Variants in SPTBN1 observed in about 807,000 individuals in gnomAD.
SPTBN1 encodes spectrin beta, non-erythrocytic 1.
A neutral mutation model predicts 266.4 loss-of-function variants in SPTBN1; 32 were observed. The ratio of observed to expected loss-of-function variants is 0.12; its 90% CI spans 0.09 to 0.16. The LOEUF is 0.16. Among genes scored for constraint, SPTBN1 ranks in the 10% least tolerant of loss-of-function variants. The pLI, the probability that SPTBN1 is intolerant of heterozygous loss-of-function variation, is 1.00. For synonymous variants in SPTBN1, 1,336 were observed against 1,162.2 expected (o/e 1.15, Z -3.04); for missense variants, 2,296 against 3,067.1 (o/e 0.75, Z 5.94).
intron 2 of SPTBN1, among the ~76,000 whole-genome samples, chr2:54,582,626 C>T (rs1056447733): frequency 6.6e-6 from 1 of 150,974 alleles, no homozygotes; most frequent in African/African-American, 2.4e-5. Context: ...CACTGAATTA[C>T]GTAAAACTCC....
In SPTBN1 at chr2:54,670,975, C is replaced by G. The variant is rs1056942233; in HGVS notation, c.*2406C>G. The G allele has an allele frequency of 5.1e-6, 2 of 396,032 alleles. No individual in the cohort carries two copies. Among genetic ancestry groups the G allele is most frequent in the Non-Finnish European group, 8.9e-6 (2 of 225,306 alleles). The allele number at this position is 396,032 out of a possible 1,614,324, so 24.5% of individuals were successfully genotyped here. A position where few individuals can be genotyped will look rare whatever the true frequency, so the allele number is the denominator to read the frequency against. ...GGTTTTTTGTTTTTTTTTTATTCTTCCACTATCATGTTTTTTGAGGATTTT... is the reference window on the plus strand; with the variant it reads ...GGTTTTTTGTTTTTTTTTTATTCTTGCACTATCATGTTTTTTGAGGATTTT... On this transcript the variant is annotated 3_prime_UTR_variant, in exon 36 of 36. Transcript: ENST00000356805.
At position 54,481,029 on chromosome 2, in the gene SPTBN1, C is replaced by A. The variant is rs141895860; in HGVS notation, c.-48+24511C>A. 1.7e-3 allele frequency among the ~76,000 whole-genome samples: 256 copies of A among 152,190 alleles called. 4 individuals are homozygous for A. The highest frequency in any genetic ancestry group is 0.014 in the Admixed American group (211 of 15,288). Reference sequence around the variant, plus strand: ...ATTGTCATTAAGAGTGACATTCATCCTGGTGCCATGGTGAGCACCTGTGGT... The same window carrying A: ...ATTGTCATTAAGAGTGACATTCATCATGGTGCCATGGTGAGCACCTGTGGT... On this transcript the variant is annotated intron_variant, in intron 1 of 35. Coordinates refer to ENST00000356805, the MANE Select transcript of SPTBN1 (RefSeq NM_003128.3).
chr2:54,524,959 A>AT (rs1670711948), intron 1 of SPTBN1, among the ~76,000 whole-genome samples: 1 of 149,622 alleles, frequency 6.7e-6, no homozygotes, highest in South Asian at 2.1e-4. Flanking sequence ...ATTTTTTTTT[A>AT]TTTAAACTAT....
intron 2 of SPTBN1, among the ~76,000 whole-genome samples, chr2:54,591,164 A>G (rs1454352621): frequency 6.6e-6 from 1 of 152,124 alleles, no homozygotes; most frequent in Non-Finnish European, 1.5e-5. Flanking sequence ...AGGGTAAGAG[A>G]CTTTATCTTA....
chr2:54,629,341 G>A lies in SPTBN1; in HGVS notation c.2207G>A (p.Arg736Gln), dbSNP rs993769854. 1.9e-6 allele frequency: 3 copies of A among 1,613,906 alleles called. No homozygotes were observed. Among genetic ancestry groups the A allele is most frequent in the East Asian group, 2.2e-5 (1 of 44,904 alleles). The change falls in exon 14 of 36, where the codon CGG becomes CAG. Residue 736 changes from arginine (R) to glutamine (Q), a missense_variant. Arg to Gln is a conservative substitution (Grantham distance 43). Coordinates refer to ENST00000356805, the MANE Select transcript of SPTBN1 (RefSeq NM_003128.3). Reference sequence around the variant, plus strand: ...AACCTAGAGCAGCTCTCGGCCATTCGGAAGAAGCGCCTGGAGGAGGCCTCC... The same window carrying A: ...AACCTAGAGCAGCTCTCGGCCATTCAGAAGAAGCGCCTGGAGGAGGCCTCC... ...WANLEQLSAI[R>Q]KKRLEEASLL... is the part of the protein sequence containing the mutation.
chr2:54,628,006 C>T lies in SPTBN1; in HGVS notation c.1645-91C>T. ...GCAGACTAGAGGGAAGGCATAGCTT[C>T]ATTGCTGGCTCTCTGCTTGTCGAAA... On this transcript the variant is annotated intron_variant, in intron 12 of 35. Coordinates refer to ENST00000356805, the MANE Select transcript of SPTBN1 (RefSeq NM_003128.3). The surrounding 1 kb of genome is among the most constrained non-coding windows in gnomAD (Gnocchi z 4.3). 2.0e-6 allele frequency: 3 copies of T among 1,466,074 alleles called. No homozygotes were observed. The highest frequency in any genetic ancestry group is 2.8e-6 in the Non-Finnish European group (3 of 1,090,026). 90.8% of individuals were successfully genotyped at this position (1,466,074 alleles called of 1,614,324 possible).
Position 54,664,553 on chromosome 2 carries a change from G to A in SPTBN1, c.6521G>A (p.Arg2174His), listed in dbSNP as rs913539017. Reference sequence around the variant, plus strand: ...CCCATCCCCTCCCCGACCTCTGATCGTAAAGCCAAGACTGCCCTCCCAGCC... The same window carrying A: ...CCCATCCCCTCCCCGACCTCTGATCATAAAGCCAAGACTGCCCTCCCAGCC... ...SSPIPSPTSD[R>H]KAKTALPAQS... The change falls in exon 33 of 36, where the codon CGT (arginine) becomes CAT (histidine). Residue 2174 changes from arginine (R) to histidine (H), a missense_variant. Physicochemically the swap from Arg to His is conservative, Grantham distance 29. Coordinates refer to ENST00000356805, the MANE Select transcript of SPTBN1 (RefSeq NM_003128.3). The surrounding 1 kb of genome is among the most constrained non-coding windows in gnomAD (Gnocchi z 5.6). 6.8e-6 allele frequency: 11 copies of A among 1,614,018 alleles called. No individual in the cohort carries two copies. The highest frequency in any genetic ancestry group is 6.7e-5 in the East Asian group (3 of 44,884).
intron 33 of SPTBN1, among the ~76,000 whole-genome samples, chr2:54,665,117 A>G (rs562140187): frequency 6.6e-6 from 1 of 152,166 alleles, no homozygotes; most frequent in South Asian, 2.1e-4. Context: ...TATTTAACAG[A>G]TGGGGAACAG....
Position 54,582,478 on chromosome 2 carries a change from G to A in SPTBN1, c.149-16614G>A, listed in dbSNP as rs188184247. Among the ~76,000 whole-genome samples, 494 of 151,702 alleles carry A rather than the reference G, an allele frequency of 3.3e-3. 1 individual carries two copies. The highest frequency in any genetic ancestry group is 0.011 in the African/African-American group (467 of 41,304). ...ACTCTGGAGGCTGAGGCAGGAGAAT[G>A]GCGTGAATCCAGGAGGCGGAGCTTG... On this transcript the variant is annotated intron_variant, in intron 2 of 35. Transcript: ENST00000356805.
At chr2:54,527,112 G>A (rs1375033502) in intron 2 of SPTBN1, 1 of 152,346 alleles carries the variant, frequency 6.6e-6, no homozygotes, top group Non-Finnish European at 1.5e-5. Flanking sequence ...CTTGTTGCTG[G>A]TGAACACCTA....
At chr2:54,512,153 C>T (rs1206714323) in intron 1 of SPTBN1, among the ~76,000 whole-genome samples, 1 of 152,186 alleles carries the variant, frequency 6.6e-6, no homozygotes, top group South Asian at 2.1e-4. Context: ...AACAGCTGTA[C>T]TTCGCTTGCT....
chr2:54,583,524 A>C (rs973049752), intron 2 of SPTBN1, among the ~76,000 whole-genome samples: 1 of 152,122 alleles, frequency 6.6e-6, no homozygotes, highest in African/African-American at 2.4e-5. Flanking sequence ...TGCTAGGAAC[A>C]TGGTTTGAAA....
At position 54,635,298 on chromosome 2, in the gene SPTBN1, A is replaced by G. The variant is rs1189172638; in HGVS notation, c.3768-2415A>G. ...ACTTCCCACGAATGATGTCCGTTGC[A>G]CTAGTAAACCATTAAGCCACACTCA... is the stretch of plus-strand genomic sequence containing the variant. On this transcript the variant is annotated intron_variant, in intron 17 of 35. Transcript: ENST00000356805. Among the ~76,000 whole-genome samples, 5 of 152,244 alleles carry G rather than the reference A, an allele frequency of 3.3e-5. 1 individual carries two copies. The highest frequency in any genetic ancestry group is 1.3e-4 in the Admixed American group (2 of 15,290).
chr2:54,504,804 T>C (rs1162558288), intron 1 of SPTBN1, among the ~76,000 whole-genome samples: 1 of 152,216 alleles, frequency 6.6e-6, no homozygotes, highest in Non-Finnish European at 1.5e-5. Flanking sequence ...CCTTATAATA[T>C]TTTAAAAAGC....
chr2:54,565,769 A>T (rs978398663), intron 2 of SPTBN1, among the ~76,000 whole-genome samples: 1 of 152,252 alleles, frequency 6.6e-6, no homozygotes, highest in Non-Finnish European at 1.5e-5. Context: ...GATATGATCT[A>T]TATGAAGTTT....
chr2:54,503,584 A>G (rs368591875), intron 1 of SPTBN1, among the ~76,000 whole-genome samples: 17 of 152,336 alleles, frequency 1.1e-4, no homozygotes, highest in African/African-American at 3.8e-4. Flanking sequence ...CCATCCTTGT[A>G]GGTCATTATT....
chr2:54,468,145 A>G (rs1693732247), intron 1 of SPTBN1, among the ~76,000 whole-genome samples: 1 of 151,962 alleles, frequency 6.6e-6, no homozygotes, highest in Non-Finnish European at 1.5e-5. Flanking sequence ...TGTCTCTACT[A>G]AAAATGCAAA....
At position 54,628,780 on chromosome 2, in the gene SPTBN1, G is replaced by A. The variant is rs1678528776; in HGVS notation, c.1799-153G>A. On this transcript the variant is annotated intron_variant, in intron 13 of 35. Transcript: ENST00000356805. This position sits in a 1 kb window ranked among gnomAD's most constrained non-coding sequence, Gnocchi z 4.3. Reference sequence around the variant, plus strand: ...CCTGTTCTAGTCAAGTTGTTAGAAGGTGCTCCATTGCCTTATCGCATGGCC... The same window carrying A: ...CCTGTTCTAGTCAAGTTGTTAGAAGATGCTCCATTGCCTTATCGCATGGCC... Among the ~76,000 whole-genome samples the A allele has an allele frequency of 6.6e-6, 1 of 152,166 alleles. No individual in the cohort carries two copies. Among genetic ancestry groups the A allele is most frequent in the African/African-American group, 2.4e-5 (1 of 41,434 alleles).
At position 54,646,253 on chromosome 2, in the gene SPTBN1, C is replaced by A. The variant is rs1489344053; in HGVS notation, c.4644C>A (p.Ser1548Arg). The change falls in exon 23 of 36, where the codon AGC (serine) becomes AGA (arginine). Residue 1548 changes from serine (S) to arginine (R), a missense_variant. Physicochemically the swap from Ser to Arg is moderately radical, Grantham distance 110. Transcript: ENST00000356805. This position sits in a 1 kb window ranked among gnomAD's most constrained non-coding sequence, Gnocchi z 4.4. The stretch of plus-strand genomic sequence containing the variant: ...GCATTGACGACATCTTTGAGAGGAG[C>A]CAAAACATCGTCACTGACAGCAGCA... ...QPRIDDIFERSQNIVTDSSSL... is the reference protein window; with the variant it reads ...QPRIDDIFERRQNIVTDSSSL... 6.2e-7 allele frequency: 1 copy of A among 1,614,050 alleles called. No homozygotes were observed. The highest frequency in any genetic ancestry group is 2.2e-5 in the East Asian group (1 of 44,878).
Sources: gnomAD v4.1 joint callset for allele counts (sites outside exome capture counted in the v4.1 genomes callset) on GRCh38, gnomAD v4.1.1 for gene constraint, Gnocchi (gnomAD v3.1) non-coding constraint, MANE v1.5 for transcripts, NCBI Gene and HGNC (gene_info 2026-07-23, HGNC 2026-07-21) for gene names.